FGD3: variants seen among roughly 807,000 people sequenced by gnomAD.
The protein encoded by FGD3 is FYVE, RhoGEF and PH domain-containing protein 3.
In FGD3, 45 loss-of-function variants were observed where a neutral mutation model predicts 71.8. That is an observed-to-expected ratio of 0.63 (90% CI 0.49 to 0.80). FGD3 has a LOEUF of 0.80. Among genes scored for constraint, FGD3 ranks in the 30% least tolerant of loss-of-function variants. The pLI, the probability that FGD3 is intolerant of heterozygous loss-of-function variation, is 0.00. For synonymous variants in FGD3, 378 were observed against 392.8 expected (o/e 0.96, Z 0.44); for missense variants, 844 against 951.5 (o/e 0.89, Z 1.49).
chr9:93,027,990 A>G (rs1166216368), intron 14 of FGD3, among the ~76,000 whole-genome samples: 1 of 152,048 alleles, frequency 6.6e-6, no homozygotes, highest in Admixed American at 6.5e-5. Context: ...AAGTGCTGGA[A>G]TTACATGTGC....
In FGD3 at chr9:93,003,292, C is replaced by T. The variant is rs1388402491; in HGVS notation, c.543+278C>T. ...TACAGGCACATGCCACCACGCCCAG[C>T]TAATTTTTGTATTTATAGTAGAGAC... On this transcript the variant is annotated intron_variant, in intron 4 of 17. Transcript: ENST00000375482. This position sits in a 1 kb window ranked among gnomAD's most constrained non-coding sequence, Gnocchi z 4.1. 2.3e-4 allele frequency among the ~76,000 whole-genome samples: 35 copies of T among 152,164 alleles called. No individual in the cohort carries two copies.
rs765704508 is a variant in FGD3, at chr9:93,022,344, T to C, written c.1512T>C (p.Pro504=). The C allele has an allele frequency of 3.7e-5, 60 of 1,612,164 alleles. No homozygotes were observed. In the Admixed American group the frequency reaches 8.0e-4, roughly 21 times the overall value. ...SPDMPITSTS[P]VEPVVTTEGS... ...CCTTCTAGATCACGAGCACCAGCCC[T>C]GTGGAGCCTGTGGTGACCACCGAAG... is the stretch of plus-strand genomic sequence containing the variant. Residue 504 remains proline, a synonymous_variant, in exon 14 of 18, where the codon CCT becomes CCC. Transcript: ENST00000375482.
At chr9:92,972,110 A>C (rs1859560050) in intron 1 of FGD3, among the ~76,000 whole-genome samples, 1 of 151,866 alleles carries the variant, frequency 6.6e-6, no homozygotes, top group African/African-American at 2.4e-5. Flanking sequence ...GTTCAGCATA[A>C]TTATTTCTAG....
intron 6 of FGD3, among the ~76,000 whole-genome samples, chr9:93,009,880 A>C (rs1861234373): frequency 6.6e-6 from 1 of 152,230 alleles, no homozygotes. Flanking sequence ...ATTTCTCAGC[A>C]GAGGGGTCGA....
At chr9:92,962,524 A>C (rs1418747814) in intron 1 of FGD3, among the ~76,000 whole-genome samples, 1 of 152,178 alleles carries the variant, frequency 6.6e-6, no homozygotes, top group Non-Finnish European at 1.5e-5. Flanking sequence ...ACGGTGATTC[A>C]GATGTTGGTG....
Position 93,015,744 on chromosome 9 carries a change from G to GC in FGD3, c.1191dup (p.Met398HisfsTer92). The GC allele has an allele frequency of 6.2e-7, 1 of 1,614,158 alleles. No individual in the cohort carries two copies. Among genetic ancestry groups the GC allele is most frequent in the Non-Finnish European group, 8.5e-7 (1 of 1,180,022 alleles). On this transcript the variant is annotated frameshift_variant, in exon 10 of 18. Coordinates refer to ENST00000375482, the MANE Select transcript of FGD3 (RefSeq NM_001083536.2). LOFTEE classifies it high-confidence loss of function. ...GTGCCATCCCTCTTGCAGTTCAACAGCATGATCCTTTACTGTGTGCCCAAG... is the reference window on the plus strand; with the variant it reads ...GTGCCATCCCTCTTGCAGTTCAACAGCCATGATCCTTTACTGTGTGCCCAAG...
Position 93,035,374 on chromosome 9 carries a change from T to C in FGD3, c.1963T>C (p.Cys655Arg). ...RLPRTIPLPS[C>R]KLSVPDPEER... ...GCCCCGCACCATCCCTCTCCCCAGCTGCAAACTGAGTGTGCCGGACCCTGA... is the reference window on the plus strand; with the variant it reads ...GCCCCGCACCATCCCTCTCCCCAGCCGCAAACTGAGTGTGCCGGACCCTGA... The change falls in exon 18 of 18, where the codon TGC becomes CGC. Residue 655 changes from cysteine (C) to arginine (R), a missense_variant. Physicochemically the swap from Cys to Arg is radical, Grantham distance 180. Transcript: ENST00000375482. 1 of 1,611,044 alleles carries C rather than the reference T, an allele frequency of 6.2e-7. No individual in the cohort carries two copies. Among genetic ancestry groups the C allele is most frequent in the Non-Finnish European group, 8.5e-7 (1 of 1,178,972 alleles).
Position 93,004,146 on chromosome 9 carries a change from C to A in FGD3, c.680+9C>A. 1.2e-6 allele frequency: 2 copies of A among 1,613,158 alleles called. No homozygotes were observed. The highest frequency in any genetic ancestry group is 1.7e-6 in the Non-Finnish European group (2 of 1,180,006). On this transcript the variant is annotated intron_variant, in intron 5 of 17. Coordinates refer to ENST00000375482, the MANE Select transcript of FGD3 (RefSeq NM_001083536.2). ...CGGATCACGGAGGAGTGGTGAGTACCATCTGCGCATGCCCATGGGGCCCCT... is the reference window on the plus strand; with the variant it reads ...CGGATCACGGAGGAGTGGTGAGTACAATCTGCGCATGCCCATGGGGCCCCT...
At chr9:92,995,265 GCTCT>G (rs1860587738) in intron 3 of FGD3, among the ~76,000 whole-genome samples, 1 of 152,058 alleles carries the variant, frequency 6.6e-6, no homozygotes, top group Non-Finnish European at 1.5e-5. Flanking sequence ...TCATGATTTG[GCTCT>G]CTGTTTGTCT....
At chr9:92,992,782 G>T (rs1860467281) in intron 3 of FGD3, among the ~76,000 whole-genome samples, 1 of 152,208 alleles carries the variant, frequency 6.6e-6, no homozygotes. Context: ...GGGTGGTTGG[G>T]GGGTGGGGTG....
In FGD3 at chr9:92,976,229, C is replaced by T. The variant is rs1859746908; in HGVS notation, c.-28C>T. 4 of 1,513,020 alleles carry T rather than the reference C, an allele frequency of 2.6e-6. No homozygotes were observed. The South Asian group carries it at 5.1e-5, about 19-fold the overall frequency. The allele number at this position is 1,513,020 out of a possible 1,614,324, so 93.7% of individuals were successfully genotyped here. On this transcript the variant is annotated 5_prime_UTR_variant, in exon 3 of 18. Transcript: ENST00000375482. The stretch of plus-strand genomic sequence containing the variant: ...ACAGGAAGCCCCTGGCCAGCCTCCA[C>T]CTGAGCCCAGTGAGCTCAGCTTTAA...
In FGD3 at chr9:93,029,863, C is replaced by T. The variant is rs766875967; in HGVS notation, c.1558-11C>T. ...TTCAGAAGCTGATGGCATCTATTTG[C>T]CTCCTTATAGCTCGAGCCCAGAAAA... On this transcript the variant is annotated splice_polypyrimidine_tract_variant and intron_variant, in intron 14 of 17. Coordinates refer to ENST00000375482, the MANE Select transcript of FGD3 (RefSeq NM_001083536.2). 8 of 1,610,792 alleles carry T rather than the reference C, an allele frequency of 5.0e-6. No homozygotes were observed. Among genetic ancestry groups the T allele is most frequent in the Non-Finnish European group, 6.8e-6 (8 of 1,178,250 alleles).
At chr9:93,007,099 A>C (rs1238562347) in intron 6 of FGD3, among the ~76,000 whole-genome samples, 1 of 135,506 alleles carries the variant, frequency 7.4e-6, no homozygotes, top group African/African-American at 2.8e-5. Flanking sequence ...TTTATTTTTT[A>C]ATTTTTTTTG....
chr9:93,004,234 C>T (rs1257547719), intron 5 of FGD3, 97 bp downstream of exon 5: 5 of 1,501,440 alleles, frequency 3.3e-6, no homozygotes, highest in Admixed American at 1.8e-5. Flanking sequence ...GGGACTGTCT[C>T]ATGGTGGCTG....
intron 1 of FGD3, among the ~76,000 whole-genome samples, chr9:92,955,123 A>G (rs1386435894): frequency 6.6e-6 from 1 of 152,180 alleles, no homozygotes; most frequent in Non-Finnish European, 1.5e-5. Context: ...ATCATTGTAG[A>G]GGCCAGGAAT....
At chr9:92,966,978 G>T (rs1859355385) in intron 1 of FGD3, among the ~76,000 whole-genome samples, 2 of 150,146 alleles carry the variant, frequency 1.3e-5, no homozygotes, top group Non-Finnish European at 3.0e-5. Flanking sequence ...TTTTTTTGGG[G>T]GGGGATGGAG....
At chr9:92,990,728 A>C (rs1443387925) in intron 3 of FGD3, among the ~76,000 whole-genome samples, 1 of 152,108 alleles carries the variant, frequency 6.6e-6, no homozygotes, top group Non-Finnish European at 1.5e-5. Context: ...ACATTTATTG[A>C]TTTGTGTATA....
chr9:93,013,646 C>T (rs887048774), intron 8 of FGD3, among the ~76,000 whole-genome samples: 4 of 152,170 alleles, frequency 2.6e-5, no homozygotes, highest in Non-Finnish European at 4.4e-5. Flanking sequence ...TCCTGTTTAT[C>T]GTTGTTTTTA....
chr9:92,968,420 A>C, intron 1 of FGD3, among the ~76,000 whole-genome samples: 1 of 151,484 alleles, frequency 6.6e-6, no homozygotes, highest in Non-Finnish European at 1.5e-5. Context: ...CCCCCATCCC[A>C]ATTCAGGAGC....
Sources: allele counts gnomAD v4.1 joint callset (sites outside exome capture counted in the v4.1 genomes callset), GRCh38; gene constraint gnomAD v4.1.1; non-coding constraint Gnocchi (gnomAD v3.1); transcripts MANE v1.5; gene names NCBI Gene and HGNC (gene_info 2026-07-23, HGNC 2026-07-21).